Variants in GRIA4 observed in about 807,000 individuals in gnomAD.
GRIA4 encodes the protein glutamate receptor 4.
In GRIA4, 34 loss-of-function variants were observed where a neutral mutation model predicts 104.0. The ratio of observed to expected loss-of-function variants is 0.33; its 90% CI spans 0.25 to 0.44. GRIA4 has a LOEUF of 0.44. Among genes scored for constraint, GRIA4 ranks in the 20% least tolerant of loss-of-function variants. The probability of loss-of-function intolerance (pLI) is 1.00; values close to 1 mark genes in which losing one functional copy is unlikely to be tolerated. For missense variants in GRIA4, 750 were observed against 1,096.5 expected (o/e 0.68, Z 4.46); for synonymous variants, 386 against 381.9 (o/e 1.01, Z -0.13).
At chr11:105,790,512 C>T (rs957771922) in intron 4 of GRIA4, among the ~76,000 whole-genome samples, 1 of 152,216 alleles carries the variant, frequency 6.6e-6, no homozygotes, top group South Asian at 2.1e-4. Flanking sequence ...AGCTCCCTTG[C>T]CGGTTTTTAA....
At chr11:105,691,284 A>G (rs1261645385) in intron 3 of GRIA4, among the ~76,000 whole-genome samples, 1 of 152,186 alleles carries the variant, frequency 6.6e-6, no homozygotes, top group Non-Finnish European at 1.5e-5. Flanking sequence ...GAGTGACAAG[A>G]CTGAACAACA....
At chr11:105,792,200 G>A (rs185440435) in intron 4 of GRIA4, among the ~76,000 whole-genome samples, 1 of 152,188 alleles carries the variant, frequency 6.6e-6, no homozygotes, top group East Asian at 1.9e-4. Context: ...GTAAACACCA[G>A]TTTGTGTAAT....
chr11:105,915,287 C>T (rs1947367883), intron 10 of GRIA4, among the ~76,000 whole-genome samples: 2 of 152,172 alleles, frequency 1.3e-5, no homozygotes, highest in African/African-American at 4.8e-5. Flanking sequence ...AAAAGTCTAA[C>T]TGCATTTCTA....
chr11:105,673,797 T>A (rs1045295276), intron 3 of GRIA4, among the ~76,000 whole-genome samples: 4 of 151,908 alleles, frequency 2.6e-5, no homozygotes, highest in African/African-American at 4.8e-5. Context: ...TAAAAATAAA[T>A]AAATATTTAA....
intron 4 of GRIA4, among the ~76,000 whole-genome samples, chr11:105,804,222 G>A (rs1942847592): frequency 6.6e-6 from 1 of 151,664 alleles, no homozygotes; most frequent in Non-Finnish European, 1.5e-5. Flanking sequence ...TAGCCTTTGA[G>A]GCATATAAAC....
chr11:105,750,166 C>T (rs1045543921), intron 3 of GRIA4, among the ~76,000 whole-genome samples: 1 of 151,954 alleles, frequency 6.6e-6, no homozygotes, highest in Non-Finnish European at 1.5e-5. Context: ...TATTATAATA[C>T]TATATATGGA....
At chr11:105,663,425 TCATTACTCTCA>T in intron 3 of GRIA4, among the ~76,000 whole-genome samples, 1 of 152,000 alleles carries the variant, frequency 6.6e-6, no homozygotes, top group East Asian at 1.9e-4. Flanking sequence ...TAAGGCACAG[TCATTACTCTCA>T]AGGAACTCAT....
chr11:105,883,925 C>T (rs1565314046), intron 5 of GRIA4, among the ~76,000 whole-genome samples: 1 of 152,256 alleles, frequency 6.6e-6, no homozygotes, highest in East Asian at 1.9e-4. Flanking sequence ...TCTCCACATC[C>T]TCTCCAGCAC....
At chr11:105,613,368 T>C (rs1950525760) in intron 3 of GRIA4, 1 of 152,256 alleles carries the variant, frequency 6.6e-6, no homozygotes, top group Admixed American at 6.5e-5. Context: ...CACATTTATA[T>C]GCTAATTTAC....
At chr11:105,803,696 A>G (rs1427058972) in intron 4 of GRIA4, among the ~76,000 whole-genome samples, 1 of 151,906 alleles carries the variant, frequency 6.6e-6, no homozygotes, top group Non-Finnish European at 1.5e-5. Context: ...CACACATTGT[A>G]TATCTTCCAG....
intron 4 of GRIA4, among the ~76,000 whole-genome samples, chr11:105,828,391 T>C (rs1255024303): frequency 6.6e-6 from 1 of 151,980 alleles, no homozygotes; most frequent in Non-Finnish European, 1.5e-5. Context: ...GAAACCGTAG[T>C]TGGCACATTA....
In GRIA4 at chr11:105,898,159, G is replaced by T. The variant is rs574360289; in HGVS notation, c.727-110G>T. The T allele has an allele frequency of 1.1e-5, 5 of 475,158 alleles. No individual in the cohort carries two copies. In the East Asian group the frequency reaches 1.7e-4, roughly 16 times the overall value. 29.4% of individuals were successfully genotyped at this position (475,158 alleles called of 1,614,324 possible). The stretch of plus-strand genomic sequence containing the variant: ...ATCATTTTCCACATTTTTAGCCATT[G>T]CTTTATTAAAAATCTTTTAATATGT... On this transcript the variant is annotated intron_variant, in intron 6 of 16. Transcript: ENST00000282499.
chr11:105,946,097 T>C (rs1042311445), intron 14 of GRIA4, among the ~76,000 whole-genome samples: 8 of 152,254 alleles, frequency 5.3e-5, no homozygotes, highest in African/African-American at 1.9e-4. Context: ...GGAGGAAATA[T>C]TGTGTTGAGC....
intron 14 of GRIA4, among the ~76,000 whole-genome samples, chr11:105,961,968 A>G (rs1051171032): frequency 3.3e-5 from 5 of 152,250 alleles, no homozygotes; most frequent in Non-Finnish European, 5.9e-5. Flanking sequence ...CAAACTACAT[A>G]TGTCCTGAAT....
At chr11:105,952,685 G>A (rs1466451369) in intron 14 of GRIA4, among the ~76,000 whole-genome samples, 1 of 152,054 alleles carries the variant, frequency 6.6e-6, no homozygotes, top group East Asian at 1.9e-4. Flanking sequence ...GACTCAACTT[G>A]GAATATGAAA....
intron 13 of GRIA4, among the ~76,000 whole-genome samples, chr11:105,928,575 A>G (rs549964277): frequency 5.2e-4 from 79 of 152,106 alleles, no homozygotes; most frequent in Non-Finnish European, 9.7e-4. Flanking sequence ...AAATTTAACG[A>G]TTTCGCCTAA....
intron 4 of GRIA4, among the ~76,000 whole-genome samples, chr11:105,847,458 CAT>C (rs1944641876): frequency 6.6e-6 from 1 of 152,152 alleles, no homozygotes; most frequent in South Asian, 2.1e-4. Flanking sequence ...TAAGGGGAAA[CAT>C]ATTCCATAAA....
chr11:105,778,197 C>T (rs1245282385), intron 4 of GRIA4, among the ~76,000 whole-genome samples: 3 of 152,188 alleles, frequency 2.0e-5, no homozygotes, highest in Non-Finnish European at 4.4e-5. Flanking sequence ...CAACTGAAGG[C>T]AGTGCTTTCC....
Position 105,841,120 on chromosome 11 carries a change from T to C in GRIA4, c.488-20904T>C, listed in dbSNP as rs139436527. On this transcript the variant is annotated intron_variant, in intron 4 of 16. Coordinates refer to ENST00000282499, the MANE Select transcript of GRIA4 (RefSeq NM_000829.4). ...ATGATTAGCACTTCTCTATATATCT[T>C]AATGGCTTCTCTTTCACCCTTGTTT... is the stretch of plus-strand genomic sequence containing the variant. Among the ~76,000 whole-genome samples the C allele has an allele frequency of 6.6e-4, 100 of 152,276 alleles. No homozygotes were observed. The East Asian group carries it at 0.017, about 26-fold the overall frequency.
Sources: allele counts gnomAD v4.1 joint callset (sites outside exome capture counted in the v4.1 genomes callset), GRCh38; gene constraint gnomAD v4.1.1; transcripts MANE v1.5; gene names NCBI Gene and HGNC (gene_info 2026-07-23, HGNC 2026-07-21).